DACH2: variants seen among roughly 807,000 people sequenced by gnomAD.
DACH2 encodes the protein dachshund family transcription factor 2.
In DACH2, 17 loss-of-function variants were observed where a neutral mutation model predicts 35.8. The observed-to-expected ratio is 0.48, with a 90% CI of 0.33 to 0.71. The LOEUF (loss-of-function observed/expected upper bound fraction) is 0.71, where lower values mean the gene tolerates loss of function less well. DACH2 is among the 30% of genes least tolerant of loss of function. The pLI, the probability that DACH2 is intolerant of heterozygous loss-of-function variation, is 0.02. For missense variants in DACH2, 469 were observed against 472.7 expected (o/e 0.99, Z 0.07); for synonymous variants, 195 against 177.3 (o/e 1.10, Z -0.79).
intron 7 of DACH2, among the ~76,000 whole-genome samples, chrX:86,791,000 ATGT>A (rs2042181946): frequency 8.9e-6 from 1 of 111,893 alleles, no homozygotes; most frequent in Non-Finnish European, 1.9e-5. Flanking sequence ...AAAAAAGAAA[ATGT>A]TATTAAGCAA....
At chrX:86,556,401 C>T (rs188045614) in intron 3 of DACH2, among the ~76,000 whole-genome samples, 153 of 108,562 alleles carry the variant, frequency 1.4e-3, no homozygotes, top group African/African-American at 5.0e-3. Context: ...AGCTCCTAGA[C>T]GTCACACTGC....
chrX:86,384,822 A>C (rs2036098811), intron 2 of DACH2, among the ~76,000 whole-genome samples: 2 of 111,828 alleles, frequency 1.8e-5, no homozygotes, highest in African/African-American at 3.2e-5. Flanking sequence ...GTATCATCTG[A>C]GACAGTGTTC....
chrX:86,803,050 C>A (rs2042309911), intron 7 of DACH2, among the ~76,000 whole-genome samples: 1 of 111,871 alleles, frequency 8.9e-6, no homozygotes. Context: ...CTTGTACATG[C>A]CTTTGGTGCT....
chrX:86,252,387 T>A (rs1346541323), intron 1 of DACH2, among the ~76,000 whole-genome samples: 1 of 111,517 alleles, frequency 9.0e-6, no homozygotes, highest in Non-Finnish European at 1.9e-5. Context: ...TTGCATTTGC[T>A]TTTGAGTTCT....
At chrX:86,359,084 C>CTTGTGT (rs200413091) in intron 1 of DACH2, among the ~76,000 whole-genome samples, 2 of 98,492 alleles carry the variant, frequency 2.0e-5, no homozygotes, top group South Asian at 5.2e-4. Context: ...TATATTTTGT[C>CTTGTGT]GTGTGTGTGT....
At chrX:86,293,519 C>T (rs764890621) in intron 1 of DACH2, among the ~76,000 whole-genome samples, 302 of 109,375 alleles carry the variant, frequency 2.8e-3, no homozygotes, top group Non-Finnish European at 4.9e-3. Flanking sequence ...TTCCTAGTCT[C>T]GATGGTCTTT....
chrX:86,554,775 C>T (rs1176731723), intron 3 of DACH2, among the ~76,000 whole-genome samples: 1 of 111,503 alleles, frequency 9.0e-6, no homozygotes, highest in African/African-American at 3.2e-5. Flanking sequence ...GCTTGCCCTG[C>T]TTATTTCTTA....
In DACH2 at chrX:86,681,923, C is replaced by G. The variant is rs375363400; in HGVS notation, c.773-13098C>G. On this transcript the variant is annotated intron_variant, in intron 4 of 11. Coordinates refer to ENST00000373125, the MANE Select transcript of DACH2 (RefSeq NM_053281.3). ...CATTATTTTCCCACTCTTTTCTCTT[C>G]AGGCATCAACTTGGCCCTTTTCCTT... Among the ~76,000 whole-genome samples, 12 of 110,640 alleles carry G rather than the reference C, an allele frequency of 1.1e-4. No homozygotes were observed. In the East Asian group the frequency reaches 3.2e-3, roughly 29 times the overall value.
intron 1 of DACH2, among the ~76,000 whole-genome samples, chrX:86,262,231 T>A (rs1463386076): frequency 9.0e-6 from 1 of 110,971 alleles, no homozygotes; most frequent in East Asian, 2.8e-4. Flanking sequence ...GAGGCTTCCA[T>A]GAGCCATGAT....
At chrX:86,830,581 A>C in intron 11 of DACH2, 1 of 111,729 alleles carries the variant, frequency 9.0e-6, no homozygotes, top group Non-Finnish European at 1.9e-5. Flanking sequence ...ACATAACAAA[A>C]GTAGAAATTT....
At chrX:86,469,363 C>CA (rs914182380) in intron 2 of DACH2, among the ~76,000 whole-genome samples, 2 of 110,885 alleles carry the variant, frequency 1.8e-5, no homozygotes, top group Non-Finnish European at 3.8e-5. Flanking sequence ...GTTCTCACCA[C>CA]AAAAAGGATG....
At chrX:86,740,801 A>G (rs1376906778) in intron 7 of DACH2, among the ~76,000 whole-genome samples, 4 of 110,217 alleles carry the variant, frequency 3.6e-5, no homozygotes, top group Non-Finnish European at 7.6e-5. Context: ...GAGCGGTGAA[A>G]TGAAATATTA....
chrX:86,657,440 G>T (rs968471954), intron 4 of DACH2, among the ~76,000 whole-genome samples: 4 of 111,251 alleles, frequency 3.6e-5, no homozygotes, highest in African/African-American at 6.5e-5. Context: ...ATATGATTTA[G>T]AATTTTATAT....
intron 1 of DACH2, among the ~76,000 whole-genome samples, chrX:86,276,799 C>T (rs1031254151): frequency 1.5e-4 from 17 of 111,803 alleles, no homozygotes; most frequent in Non-Finnish European, 2.6e-4. Context: ...TTTTCTCCAG[C>T]GTATGTTGTT....
At chrX:86,727,363 G>A (rs2041481727) in intron 6 of DACH2, among the ~76,000 whole-genome samples, 1 of 111,500 alleles carries the variant, frequency 9.0e-6, no homozygotes, top group African/African-American at 3.3e-5. Context: ...CAAAAAATGT[G>A]TTTAGTTATA....
chrX:86,347,983 C>T, intron 1 of DACH2, among the ~76,000 whole-genome samples: 1 of 111,773 alleles, frequency 8.9e-6, no homozygotes, highest in Non-Finnish European at 1.9e-5. Context: ...CCTGTTGATA[C>T]CTTGTTTTTA....
At chrX:86,444,813 A>G (rs1367731461) in intron 2 of DACH2, among the ~76,000 whole-genome samples, 1 of 110,391 alleles carries the variant, frequency 9.1e-6, no homozygotes, top group African/African-American at 3.3e-5. Context: ...TAATGAATGT[A>G]TTTATTAGGC....
At chrX:86,243,528 G>T (rs1351454290) in intron 1 of DACH2, among the ~76,000 whole-genome samples, 1 of 111,507 alleles carries the variant, frequency 9.0e-6, no homozygotes. Context: ...GTCATTACCT[G>T]TGTAAGAGAG....
intron 5 of DACH2, among the ~76,000 whole-genome samples, chrX:86,699,101 C>A (rs2041108897): frequency 8.9e-6 from 1 of 111,857 alleles, no homozygotes; most frequent in Non-Finnish European, 1.9e-5. Flanking sequence ...AAGAGGTAGA[C>A]AGCAGCACAA....
Sources: allele counts gnomAD v4.1 joint callset (sites outside exome capture counted in the v4.1 genomes callset), GRCh38; gene constraint gnomAD v4.1.1; transcripts MANE v1.5; gene names NCBI Gene and HGNC (gene_info 2026-07-23, HGNC 2026-07-21).